TMPRSS4: variants seen among roughly 807,000 people sequenced by gnomAD.
The protein encoded by TMPRSS4 is transmembrane serine protease 4.
Under a neutral mutation model 56.4 loss-of-function variants are expected in TMPRSS4, and 45 were observed. The ratio of observed to expected loss-of-function variants is 0.80; its 90% CI spans 0.63 to 1.02. TMPRSS4 has a LOEUF of 1.02. Ranked by LOEUF, TMPRSS4 falls within the 50% of genes least tolerant of loss-of-function variation. The pLI, the probability that TMPRSS4 is intolerant of heterozygous loss-of-function variation, is 0.00. For synonymous variants in TMPRSS4, 205 were observed against 211.0 expected, an observed-to-expected ratio of 0.97 and a Z score of 0.25; for missense variants, 546 against 556.7, an observed-to-expected ratio of 0.98 and a Z score of 0.19.
chr11:118,114,018 C>T (rs1032337698), intron 9 of TMPRSS4, among the ~76,000 whole-genome samples: 2 of 152,258 alleles, frequency 1.3e-5, no homozygotes, highest in Admixed American at 6.5e-5. Flanking sequence ...TTTCATACTA[C>T]AGCTCCCTTC....
downstream of TMPRSS4, among the ~76,000 whole-genome samples, chr11:118,122,460 G>A (rs866960707): frequency 3.0e-4 from 46 of 152,230 alleles, no homozygotes; most frequent in Middle Eastern, 0.01. Context: ...ACATAATCAC[G>A]AAAGTTTCAA....
chr11:118,086,044 A>T (rs1945530543), intron 1 of TMPRSS4, among the ~76,000 whole-genome samples: 2 of 152,252 alleles, frequency 1.3e-5, no homozygotes. Flanking sequence ...AGTGGGAACC[A>T]GGTCTGTCTT....
chr11:118,117,535 T>G (rs768367028), intron 12 of TMPRSS4, 81 bp downstream of exon 12: 23 of 1,533,964 alleles, frequency 1.5e-5, no homozygotes, highest in Non-Finnish European at 2.0e-5. Context: ...CAGGTTTGAT[T>G]TAAATGGTTC....
At chr11:118,125,211 A>T (rs531029718), downstream of TMPRSS4, 2 of 451,198 alleles carry the variant, frequency 4.4e-6, no homozygotes, top group East Asian at 1.4e-4. Context: ...CATGGAAATG[A>T]TTGTCTGTGG....
At chr11:118,112,251 G>A (rs1026322175) in intron 8 of TMPRSS4, among the ~76,000 whole-genome samples, 2 of 151,798 alleles carry the variant, frequency 1.3e-5, no homozygotes, top group Non-Finnish European at 2.9e-5. Flanking sequence ...TTGTTCCAGG[G>A]TCTAGAGTCA....
At chr11:118,089,660 G>A (rs888809289) in intron 1 of TMPRSS4, among the ~76,000 whole-genome samples, 10 of 152,156 alleles carry the variant, frequency 6.6e-5, no homozygotes, top group East Asian at 3.9e-4. Context: ...AGTGTCTTTC[G>A]TTTATTAATT....
At position 118,094,842 on chromosome 11, in the gene TMPRSS4, T is replaced by A; in HGVS notation, c.30T>A (p.Pro10=). Residue 10 remains proline (P), a synonymous_variant, in exon 2 of 13, where the codon CCT becomes CCA. Transcript: ENST00000437212. ...TACAGGATCCTGACAGTGATCAACC[T>A]CTGAACAGCCTCGGTAAGTTCAGGT... The part of the protein sequence containing the change: MLQDPDSDQ[P]LNSLDVKPLR... 1 of 1,612,490 alleles carries A rather than the reference T, an allele frequency of 6.2e-7. No homozygotes were observed. Among genetic ancestry groups the A allele is most frequent in the Admixed American group, 1.7e-5 (1 of 59,846 alleles).
At chr11:118,098,875 C>T (rs538544198) in intron 2 of TMPRSS4, 110 bp from the exon 3 acceptor site, 3 of 799,538 alleles carry the variant, frequency 3.8e-6, no homozygotes, top group South Asian at 1.7e-5. Context: ...CAAAACTGTG[C>T]TCAAGGCATA....
At chr11:118,099,273 C>G in intron 3 of TMPRSS4, 175 bp downstream of exon 3, 1 of 529,778 alleles carries the variant, frequency 1.9e-6, no homozygotes, top group Non-Finnish European at 3.4e-6. Flanking sequence ...CCCCGCCCCT[C>G]CCATTATCAC....
intron 2 of TMPRSS4, among the ~76,000 whole-genome samples, chr11:118,096,911 GGGA>G (rs1946367934): frequency 6.8e-5 from 2 of 29,368 alleles, no homozygotes; most frequent in Non-Finnish European, 1.5e-4. Context: ...AAGAAAGAAA[GGGA>G]GAGAGAAAGG....
chr11:118,083,057 T>TGCTGCGCC (rs1945276227), intron 1 of TMPRSS4, among the ~76,000 whole-genome samples: 1 of 152,152 alleles, frequency 6.6e-6, no homozygotes, highest in African/African-American at 2.4e-5. Flanking sequence ...CCCTCTCCTC[T>TGCTGCGCC]GCTGCGCCGC....
intron 4 of TMPRSS4, 126 bp from the exon 5 acceptor site, chr11:118,104,565 T>C (rs1269862585): frequency 2.8e-6 from 4 of 1,432,260 alleles, no homozygotes; most frequent in Admixed American, 4.0e-5. Flanking sequence ...ACATTGAAAG[T>C]GTTGGGGCTC....
At chr11:118,102,806 A>G (rs1219595777) in intron 3 of TMPRSS4, 1 of 354,364 alleles carries the variant, frequency 2.8e-6, no homozygotes, top group Non-Finnish European at 5.2e-6. Context: ...ACCAGTACAT[A>G]CTGAGCGAGC....
At chr11:118,088,508 G>A (rs893471669) in intron 1 of TMPRSS4, among the ~76,000 whole-genome samples, 6 of 152,126 alleles carry the variant, frequency 3.9e-5, no homozygotes, top group Non-Finnish European at 7.4e-5. Flanking sequence ...CACCTCACCC[G>A]CTACCTGGGC....
chr11:118,085,758 C>A (rs1342192131), intron 1 of TMPRSS4, among the ~76,000 whole-genome samples: 1 of 152,160 alleles, frequency 6.6e-6, no homozygotes, highest in Non-Finnish European at 1.5e-5. Flanking sequence ...CCCCTTCTGG[C>A]CCTCTCGAGT....
intron 1 of TMPRSS4, among the ~76,000 whole-genome samples, chr11:118,078,675 G>T (rs1423264559): frequency 1.3e-5 from 2 of 152,154 alleles, no homozygotes; most frequent in African/African-American, 4.8e-5. Context: ...TGGGTGGCAG[G>T]CACTGAGGAG....
chr11:118,108,112 A>G (rs1947091520), intron 6 of TMPRSS4: 1 of 474,970 alleles, frequency 2.1e-6, no homozygotes, highest in Non-Finnish European at 3.8e-6. Context: ...GTGTTGTCCT[A>G]CTCAGAGCCA....
intron 5 of TMPRSS4, 54 bp downstream of exon 5, chr11:118,104,874 C>T: frequency 6.7e-6 from 10 of 1,491,514 alleles, no homozygotes; most frequent in Non-Finnish European, 9.0e-6. Flanking sequence ...CCTCCTCTTC[C>T]TCCTTTCCTT....
At chr11:118,078,832 T>G (rs564443147) in intron 1 of TMPRSS4, among the ~76,000 whole-genome samples, 1 of 152,230 alleles carries the variant, frequency 6.6e-6, no homozygotes, top group Admixed American at 6.5e-5. Context: ...CCTTCTCCCC[T>G]GCCCACGGAA....
Sources: gnomAD v4.1 joint callset for allele counts (sites outside exome capture counted in the v4.1 genomes callset) on GRCh38, gnomAD v4.1.1 for gene constraint, MANE v1.5 for transcripts, NCBI Gene and HGNC (gene_info 2026-07-23, HGNC 2026-07-21) for gene names.